MYO9B: variants seen among roughly 807,000 people sequenced by gnomAD.
MYO9B encodes the protein myosin IXB, also known as unconventional myosin-IXb.
MYO9B carries 71 observed loss-of-function variants against 229.5 expected under a neutral mutation model. That is an observed-to-expected ratio of 0.31 (90% CI 0.26 to 0.38). The LOEUF (loss-of-function observed/expected upper bound fraction) is 0.38. Ranked by LOEUF, MYO9B falls within the 10% of genes least tolerant of loss-of-function variation. The pLI is 1.00. For missense variants in MYO9B, 2,255 were observed against 2,920.5 expected (o/e 0.77, Z 5.25); for synonymous variants, 1,185 against 1,235.8 (o/e 0.96, Z 0.86).
intron 2 of MYO9B, among the ~76,000 whole-genome samples, chr19:17,117,866 A>G (rs868317506): frequency 2.2e-4 from 31 of 143,974 alleles, no homozygotes; most frequent in South Asian, 1.1e-3. Flanking sequence ...TGAACCCGGG[A>G]GTCAGAAGTT....
At chr19:17,122,483 C>G (rs1373611805) in intron 2 of MYO9B, among the ~76,000 whole-genome samples, 2 of 152,136 alleles carry the variant, frequency 1.3e-5, no homozygotes, top group Non-Finnish European at 2.9e-5. Context: ...CACCTCTGCA[C>G]TCCAGCCTGG....
In MYO9B at chr19:17,212,587, T is replaced by C; in HGVS notation, c.*277T>C. 1 of 430,500 alleles carries C rather than the reference T, an allele frequency of 2.3e-6. No homozygotes were observed. The highest frequency in any genetic ancestry group is 4.1e-6 in the Non-Finnish European group (1 of 244,324). The allele number at this position is 430,500 out of a possible 1,614,324, so 26.7% of individuals were successfully genotyped here. On this transcript the variant is annotated 3_prime_UTR_variant, in exon 40 of 40. Coordinates refer to ENST00000682292, the MANE Select transcript of MYO9B (RefSeq NM_004145.4). This position sits in a 1 kb window ranked among gnomAD's most constrained non-coding sequence, Gnocchi z 5.4. ...TCACATCTCCCCACTCCCCTTTTTG[T>C]ACGTTTAACTGTTTCTTTGTACGTG... is the stretch of plus-strand genomic sequence containing the variant.
intron 2 of MYO9B, among the ~76,000 whole-genome samples, chr19:17,131,768 G>A (rs2072199232): frequency 6.6e-6 from 1 of 152,074 alleles, no homozygotes; most frequent in Non-Finnish European, 1.5e-5. Context: ...CTGCCTCTAC[G>A]TTAGTTTTAC....
At chr19:17,185,064 C>G in intron 17 of MYO9B, 77 bp downstream of exon 17, 1 of 1,594,636 alleles carries the variant, frequency 6.3e-7, no homozygotes, top group Non-Finnish European at 8.6e-7. Context: ...ACACCGAGCA[C>G]AGCCCGTCTC....
chr19:17,200,372 G>T lies in MYO9B; in HGVS notation c.4318G>T (p.Ala1440Ser). 2 of 1,606,598 alleles carry T rather than the reference G, an allele frequency of 1.2e-6. No individual in the cohort carries two copies. Among genetic ancestry groups the T allele is most frequent in the Non-Finnish European group, 1.7e-6 (2 of 1,176,234 alleles). Reference protein sequence around the residue: ...SLEGAEELENAVSGHVVLEAT... With the variant: ...SLEGAEELENSVSGHVVLEAT... ...GGAGGGCGCAGAGGAGCTGGAGAAT[G>T]CAGTGTCCGGGCACGTGGTGCTGGA... Residue 1440 changes from alanine (A) to serine (S), a missense_variant, in exon 25 of 40, where the codon GCA becomes TCA. By Grantham distance (99) the Ala-to-Ser change is moderately conservative. Around this residue, in one of 7 missense-constraint regions of MYO9B, gnomAD observed 679 missense variants for 770.2 expected, o/e 0.88. Transcript: ENST00000682292.
At chr19:17,131,826 T>C (rs1388016118) in intron 2 of MYO9B, among the ~76,000 whole-genome samples, 2 of 152,028 alleles carry the variant, frequency 1.3e-5, no homozygotes, top group African/African-American at 2.4e-5. Context: ...AATAGCTTTA[T>C]GGATTTCTTT....
chr19:17,093,285 C>T (rs1236572660), intron 1 of MYO9B, among the ~76,000 whole-genome samples: 3 of 151,774 alleles, frequency 2.0e-5, no homozygotes, highest in Non-Finnish European at 2.9e-5. Flanking sequence ...GAGCCAAGAT[C>T]GTGCCACTGC....
At chr19:17,168,120 G>C in intron 11 of MYO9B, 56 bp downstream of exon 11, 1 of 1,596,342 alleles carries the variant, frequency 6.3e-7, no homozygotes, top group Non-Finnish European at 8.5e-7. Flanking sequence ...ACTGGGTCAG[G>C]TTCTGCAGCC....
chr19:17,212,112 C>A lies in MYO9B; in HGVS notation c.6276C>A (p.Ala2092=), dbSNP rs372531947. 4.7e-5 allele frequency: 75 copies of A among 1,590,196 alleles called. No individual in the cohort carries two copies. In the East Asian group the frequency reaches 7.3e-4, roughly 16 times the overall value. ...CACCGGGTGCCCGGGAGGCGGCTGC[C>A]CCAGTGCGGCGCCGGGAGCCACCTG... The part of the protein sequence containing the change: ...RWAPGAREAA[A]PVRRREPPAR... Residue 2092 remains alanine, a synonymous_variant, in exon 40 of 40, where the codon GCC becomes GCA. Transcript: ENST00000682292. This position sits in a 1 kb window ranked among gnomAD's most constrained non-coding sequence, Gnocchi z 5.4.
In MYO9B at chr19:17,134,381, G is replaced by GTT. The variant is rs869297825; in HGVS notation, c.841-10989_841-10988dup. ...CTTTGTTTTTTTTTTCGTTTTGTTT[G>GTT]TTTTTTTTTTTTTTTTTTTTTTTTT... On this transcript the variant is annotated intron_variant, in intron 2 of 39. Transcript: ENST00000682292. Among the ~76,000 whole-genome samples the GTT allele has an allele frequency of 4.3e-4, 20 of 46,476 alleles. 1 individual carries two copies. The highest frequency in any genetic ancestry group is 4.2e-3 in the South Asian group (4 of 954). The allele number at this position is 46,476 out of a possible 152,430, so 30.5% of individuals were successfully genotyped here.
Position 17,188,063 on chromosome 19 carries a change from A to T in MYO9B, c.2688+18A>T. On this transcript the variant is annotated intron_variant, in intron 19 of 39. Coordinates refer to ENST00000682292, the MANE Select transcript of MYO9B (RefSeq NM_004145.4). ...CGTTCCAGGTAGGCCACAAGCACAT[A>T]TACCTGGACACACCTGTTCCGTGGC... is the stretch of plus-strand genomic sequence containing the variant. 6.4e-7 allele frequency: 1 copy of T among 1,553,838 alleles called. No homozygotes were observed. The highest frequency in any genetic ancestry group is 8.7e-7 in the Non-Finnish European group (1 of 1,144,002).
chr19:17,154,510 T>C (rs1282729548), intron 6 of MYO9B, 95 bp downstream of exon 6: 51 of 906,894 alleles, frequency 5.6e-5, no homozygotes, highest in Non-Finnish European at 8.1e-5. Context: ...TGCAACCCAG[T>C]GAAAACAGGC....
rs763763179 is a variant in MYO9B, at chr19:17,212,081, G to A, written c.6245G>A (p.Arg2082His). ...LPPGLPSHLPRWAPGAREAAA... is the reference protein window; with the variant it reads ...LPPGLPSHLPHWAPGAREAAA... ...CCAGGCCTGCCCTCCCACCTGCCTC[G>A]CTGGGCACCGGGTGCCCGGGAGGCG... The change falls in exon 40 of 40, where the codon CGC becomes CAC. Residue 2082 changes from arginine (R) to histidine (H), a missense_variant. Around this residue, in one of 7 missense-constraint regions of MYO9B, gnomAD observed 331 missense variants for 332.5 expected, o/e 1.00. Transcript: ENST00000682292. This position sits in a 1 kb window ranked among gnomAD's most constrained non-coding sequence, Gnocchi z 5.4. The A allele has an allele frequency of 7.5e-6, 12 of 1,594,742 alleles. No individual in the cohort carries two copies. Among genetic ancestry groups the A allele is most frequent in the Admixed American group, 1.8e-5 (1 of 56,138 alleles).
chr19:17,102,428 C>A lies in MYO9B; in HGVS notation c.711C>A (p.Ile237=). The A allele has an allele frequency of 6.2e-7, 1 of 1,614,008 alleles. No homozygotes were observed. The highest frequency in any genetic ancestry group is 8.5e-7 in the Non-Finnish European group (1 of 1,179,900). Residue 237 remains isoleucine (I), a synonymous_variant, in exon 2 of 40, where the codon ATC becomes ATA. Coordinates refer to ENST00000682292, the MANE Select transcript of MYO9B (RefSeq NM_004145.4). ...AGCGCGTGAACCAGTGCATCGTGAT[C>A]TCGGGTGAGAGCGGCTCCGGCAAGA... ...LRKRVNQCIV[I]SGESGSGKTQ... is the part of the protein sequence containing the mutation.
chr19:17,148,331 CTG>C (rs1178194178), intron 3 of MYO9B, among the ~76,000 whole-genome samples: 4 of 152,214 alleles, frequency 2.6e-5, no homozygotes, highest in African/African-American at 9.6e-5. Context: ...AACATTATCT[CTG>C]TATGCATTTC....
intron 1 of MYO9B, among the ~76,000 whole-genome samples, chr19:17,082,511 C>A (rs2057542505): frequency 6.6e-6 from 1 of 152,086 alleles, no homozygotes; most frequent in Non-Finnish European, 1.5e-5. Context: ...CTGCCACCTC[C>A]TGCATCCCAT....
At chr19:17,147,672 A>ATTTTTTT (rs1027030377) in intron 3 of MYO9B, among the ~76,000 whole-genome samples, 5 of 81,206 alleles carry the variant, frequency 6.2e-5, no homozygotes, top group Admixed American at 1.5e-4. Flanking sequence ...ACTATGTTTA[A>ATTTTTTT]TTTTTTTTTT....
At chr19:17,162,908 G>A in intron 9 of MYO9B, 80 bp from the exon 10 acceptor site, 3 of 1,507,216 alleles carry the variant, frequency 2.0e-6, no homozygotes, top group Non-Finnish European at 2.7e-6. Flanking sequence ...GTCACAGCCT[G>A]TAGAGCCAAC....
intron 2 of MYO9B, 36 bp from the exon 3 acceptor site, chr19:17,145,361 C>T (rs1037624627): frequency 3.8e-6 from 6 of 1,564,422 alleles, no homozygotes; most frequent in Non-Finnish European, 5.3e-6. Context: ...AAATTCCACC[C>T]TCCTGATCTG....
Sources: gnomAD v4.1 joint callset for allele counts (sites outside exome capture counted in the v4.1 genomes callset) on GRCh38, gnomAD v4.1.1 for gene constraint, gnomAD v4.1.1 regional missense constraint, Gnocchi (gnomAD v3.1) non-coding constraint, MANE v1.5 for transcripts, NCBI Gene and HGNC (gene_info 2026-07-23, HGNC 2026-07-21) for gene names.